GAB2: variants seen among roughly 807,000 people sequenced by gnomAD.
The protein encoded by GAB2 is GRB2 associated binding protein 2.
A neutral mutation model predicts 65.5 loss-of-function variants in GAB2; 26 were observed. The observed-to-expected ratio is 0.40, with a 90% CI of 0.29 to 0.55. The LOEUF (loss-of-function observed/expected upper bound fraction) is 0.55, where lower values mean the gene tolerates loss of function less well. Ranked by LOEUF, GAB2 falls within the 20% of genes least tolerant of loss-of-function variation. The pLI, the probability that GAB2 is intolerant of heterozygous loss-of-function variation, is 0.53. For synonymous variants in GAB2, 321 were observed against 329.6 expected (o/e 0.97, Z 0.28); for missense variants, 884 against 875.8 (o/e 1.01, Z -0.12).
chr11:78,295,875 T>C (rs1006361326), intron 1 of GAB2, among the ~76,000 whole-genome samples: 1 of 152,182 alleles, frequency 6.6e-6, no homozygotes, highest in Non-Finnish European at 1.5e-5. Context: ...AGTTATGGTC[T>C]GTAAAGTCAG....
At chr11:78,277,724 G>A (rs1306672364) in intron 2 of GAB2, among the ~76,000 whole-genome samples, 4 of 152,330 alleles carry the variant, frequency 2.6e-5, no homozygotes, top group Admixed American at 6.5e-5. Context: ...CTCTCCAAGG[G>A]AAGAATCAGG....
intron 1 of GAB2, among the ~76,000 whole-genome samples, chr11:78,327,163 T>C (rs1855837773): frequency 6.6e-6 from 1 of 152,196 alleles, no homozygotes; most frequent in African/African-American, 2.4e-5. Flanking sequence ...AATAAATCGG[T>C]ATCTGGGTCA....
At chr11:78,386,253 G>A (rs993521751) in intron 1 of GAB2, among the ~76,000 whole-genome samples, 1 of 152,216 alleles carries the variant, frequency 6.6e-6, no homozygotes, top group African/African-American at 2.4e-5. Flanking sequence ...CCTGGGAGAA[G>A]TGCCCCATTC....
At chr11:78,382,080 C>G (rs1856704744) in intron 1 of GAB2, among the ~76,000 whole-genome samples, 1 of 152,172 alleles carries the variant, frequency 6.6e-6, no homozygotes, top group African/African-American at 2.4e-5. Context: ...TCTTCTAGTC[C>G]AAGTTTTACT....
chr11:78,331,230 T>C (rs946358842), intron 1 of GAB2, among the ~76,000 whole-genome samples: 1 of 149,932 alleles, frequency 6.7e-6, no homozygotes, highest in Admixed American at 6.7e-5. Flanking sequence ...CCAACTCTTT[T>C]GATCCAAATT....
Position 78,355,260 on chromosome 11 carries a change from T to G in GAB2, c.75+62386A>C, listed in dbSNP as rs1856341349. On this transcript the variant is annotated intron_variant, in intron 1 of 9. Coordinates refer to ENST00000361507, the MANE Select transcript of GAB2 (RefSeq NM_080491.3). ...CCTCATCTATAAACAACAGCAAAGT[T>G]TCTGGGCAGGGGATCCCAAAACGTC... is the stretch of plus-strand genomic sequence containing the variant. 2.0e-5 allele frequency among the ~76,000 whole-genome samples: 3 copies of G among 152,312 alleles called. No individual in the cohort carries two copies. In the South Asian group the frequency reaches 6.2e-4, roughly 32 times the overall value.
chr11:78,250,053 G>C, intron 3 of GAB2, 104 bp downstream of exon 3: 2 of 1,220,814 alleles, frequency 1.6e-6, no homozygotes, highest in Non-Finnish European at 2.4e-6. Flanking sequence ...TTGTCTACCT[G>C]AAACGATATA....
chr11:78,272,390 A>G (rs1446223347), intron 2 of GAB2, among the ~76,000 whole-genome samples: 1 of 152,202 alleles, frequency 6.6e-6, no homozygotes, highest in Admixed American at 6.5e-5. Context: ...GTGGTCTCAG[A>G]TGGAGATGAG....
intron 1 of GAB2, among the ~76,000 whole-genome samples, chr11:78,282,443 G>A (rs1741257118): frequency 6.6e-6 from 1 of 151,846 alleles, no homozygotes; most frequent in African/African-American, 2.4e-5. Context: ...GGAGTAGCTG[G>A]GATTACAGAT....
chr11:78,329,337 A>G (rs766806785), intron 1 of GAB2, among the ~76,000 whole-genome samples: 2 of 152,182 alleles, frequency 1.3e-5, no homozygotes, highest in Non-Finnish European at 2.9e-5. Context: ...AACTTTTTAC[A>G]AGAGTACAGA....
chr11:78,411,855 C>A (rs1014823245), intron 1 of GAB2, among the ~76,000 whole-genome samples: 2 of 151,958 alleles, frequency 1.3e-5, no homozygotes, highest in Non-Finnish European at 2.9e-5. Context: ...CATGGTGAAA[C>A]CCTGTCTCTA....
chr11:78,417,631 CG>C lies in GAB2; in HGVS notation c.75+14del. The C allele has an allele frequency of 7.5e-7, 1 of 1,336,352 alleles. No homozygotes were observed. Among genetic ancestry groups the C allele is most frequent in the Non-Finnish European group, 9.8e-7 (1 of 1,017,396 alleles). The allele number at this position is 1,336,352 out of a possible 1,614,324, so 82.8% of individuals were successfully genotyped here. A position where few individuals can be genotyped will look rare whatever the true frequency, so the allele number is the denominator to read the frequency against. On this transcript the variant is annotated intron_variant, in intron 1 of 9. Transcript: ENST00000361507. ...CGCCCCCCGCCCGCCCCTGGGCGGC[CG>C]CGCCCGCACTCACATAGCGCCTCAA...
At chr11:78,283,808 C>T (rs1866397776) in intron 1 of GAB2, among the ~76,000 whole-genome samples, 1 of 152,142 alleles carries the variant, frequency 6.6e-6, no homozygotes, top group Admixed American at 6.5e-5. Flanking sequence ...CTCTCTTTTT[C>T]AGTCTCCAGT....
rs1379415925 is a variant in GAB2 at position 78,216,993 on chromosome 11, C to T, written c.*2279G>A. ...CCCATATGCTCAAAGGCCTTTTGTT[C>T]CCAAGACACAAGGCTTTCCAAGCCT... On this transcript the variant is annotated 3_prime_UTR_variant, in exon 10 of 10. Transcript: ENST00000361507. 3 of 152,246 alleles carry T rather than the reference C, an allele frequency of 2.0e-5. No individual in the cohort carries two copies. Among genetic ancestry groups the T allele is most frequent in the Non-Finnish European group, 1.5e-5 (1 of 68,108 alleles). The allele number at this position is 152,246 out of a possible 1,614,324, so 9.4% of individuals were successfully genotyped here.
chr11:78,280,555 C>T, intron 2 of GAB2, 46 bp downstream of exon 2: 1 of 1,456,454 alleles, frequency 6.9e-7, no homozygotes, highest in Non-Finnish European at 9.5e-7. Context: ...AATCCAAGGG[C>T]CTCACCTCAA....
chr11:78,292,447 A>G (rs1460650464), intron 1 of GAB2, among the ~76,000 whole-genome samples: 7 of 152,220 alleles, frequency 4.6e-5, no homozygotes, highest in Non-Finnish European at 1.0e-4. Flanking sequence ...GGCAGAAGAT[A>G]GAAGATTCTG....
chr11:78,380,345 C>T (rs1856682148), intron 1 of GAB2, among the ~76,000 whole-genome samples: 1 of 152,144 alleles, frequency 6.6e-6, no homozygotes, highest in African/African-American at 2.4e-5. Flanking sequence ...GCTGGGACTA[C>T]AGGTGCGTGC....
chr11:78,328,915 T>C (rs144532816), intron 1 of GAB2, among the ~76,000 whole-genome samples: 313 of 152,282 alleles, frequency 2.1e-3, no homozygotes, highest in African/African-American at 6.6e-3. Context: ...TTTCACTCCA[T>C]GTACATTTTA....
intron 1 of GAB2, among the ~76,000 whole-genome samples, chr11:78,339,954 T>C (rs1856065743): frequency 6.6e-6 from 1 of 152,244 alleles, no homozygotes; most frequent in South Asian, 2.1e-4. Flanking sequence ...TCCAGCTTTA[T>C]GGCAAATGAG....
Sources: gnomAD v4.1 joint callset for allele counts (sites outside exome capture counted in the v4.1 genomes callset) on GRCh38, gnomAD v4.1.1 for gene constraint, MANE v1.5 for transcripts, NCBI Gene and HGNC (gene_info 2026-07-23, HGNC 2026-07-21) for gene names.